The following DCDC1 variants were observed in gnomAD, a reference collection of about 807,000 sequenced individuals.
DCDC1 encodes the protein doublecortin domain-containing protein 1.
Under a neutral mutation model 178.3 loss-of-function variants are expected in DCDC1, and 200 were observed. That is an observed-to-expected ratio of 1.12 (90% CI 1.00 to 1.26). The LOEUF is 1.26. Ranked by LOEUF, DCDC1 falls within the 50% of genes most tolerant of loss-of-function variation. DCDC1 has a pLI of 0.00. For synonymous variants in DCDC1, 690 were observed against 604.8 expected (o/e 1.14, Z -2.07); for missense variants, 1,983 against 1,749.2 (o/e 1.13, Z -2.38).
chr11:31,063,145 A>T lies in DCDC1; in HGVS notation c.2591+1324T>A, dbSNP rs886133356. ...TCAGAGAAATGCAAATCAAAACCACAATGAGATACCATCTCACACCAGTTA... is the reference window on the plus strand; with the variant it reads ...TCAGAGAAATGCAAATCAAAACCACTATGAGATACCATCTCACACCAGTTA... On this transcript the variant is annotated intron_variant, in intron 20 of 38. Transcript: ENST00000684477. Among the ~76,000 whole-genome samples the T allele has an allele frequency of 2.0e-5, 3 of 152,204 alleles. No individual in the cohort carries two copies. In the East Asian group the frequency reaches 5.8e-4, roughly 29 times the overall value.
At chr11:31,011,838 T>C (rs1461765224) in intron 20 of DCDC1, among the ~76,000 whole-genome samples, 2 of 152,218 alleles carry the variant, frequency 1.3e-5, no homozygotes, top group Admixed American at 6.5e-5. Flanking sequence ...TAAAATATTA[T>C]GTGGTAACTA....
intron 10 of DCDC1, among the ~76,000 whole-genome samples, chr11:31,133,626 A>C (rs1227607956): frequency 6.6e-6 from 1 of 152,184 alleles, no homozygotes; most frequent in Non-Finnish European, 1.5e-5. Flanking sequence ...GGTGTAACTA[A>C]CCAGGAAATC....
intron 9 of DCDC1, among the ~76,000 whole-genome samples, chr11:31,209,870 G>A (rs1253522886): frequency 6.6e-6 from 1 of 152,148 alleles, no homozygotes; most frequent in Non-Finnish European, 1.5e-5. Context: ...TGCATAGAGA[G>A]AGATAAAGGA....
At chr11:31,139,549 A>G (rs1963570806) in intron 9 of DCDC1, among the ~76,000 whole-genome samples, 1 of 152,208 alleles carries the variant, frequency 6.6e-6, no homozygotes, top group Admixed American at 6.5e-5. Context: ...TATTCTTTAC[A>G]AAATTTATTT....
intron 20 of DCDC1, among the ~76,000 whole-genome samples, chr11:31,017,066 G>A (rs1198370515): frequency 6.6e-6 from 1 of 152,160 alleles, no homozygotes; most frequent in Non-Finnish European, 1.5e-5. Flanking sequence ...TTTGCTAATT[G>A]ATGCAGATAC....
intron 9 of DCDC1, among the ~76,000 whole-genome samples, chr11:31,239,055 C>T (rs756950108): frequency 1.4e-4 from 22 of 151,874 alleles, no homozygotes; most frequent in Non-Finnish European, 2.2e-4. Flanking sequence ...GCTTATATTT[C>T]GACAGACATC....
rs949414163 is a variant in DCDC1 at position 31,244,029 on chromosome 11, GAACA to G, written c.1055-2417_1055-2414del. 1.7e-3 allele frequency among the ~76,000 whole-genome samples: 258 copies of G among 151,688 alleles called. 1 individual carries two copies. The highest frequency in any genetic ancestry group is 3.1e-3 in the Non-Finnish European group (207 of 67,726). On this transcript the variant is annotated intron_variant, in intron 8 of 38. Coordinates refer to ENST00000684477, the MANE Select transcript of DCDC1 (RefSeq NM_001387274.1). ...AAAAGGAAGACAAAGCACACTCCAA[GAACA>G]AACAATGTTTCCACTAACTAGGAAG...
chr11:30,866,421 A>G (rs1302772966), intron 38 of DCDC1, among the ~76,000 whole-genome samples: 1 of 152,154 alleles, frequency 6.6e-6, no homozygotes, highest in Non-Finnish European at 1.5e-5. Context: ...TGGAAGAGGC[A>G]TGGCAGCTCT....
At chr11:31,314,458 C>T (rs1202498829) in intron 3 of DCDC1, 3 of 152,164 alleles carry the variant, frequency 2.0e-5, no homozygotes, top group African/African-American at 7.2e-5. Context: ...CACACTATTT[C>T]TGTAGGTCCA....
In DCDC1 at chr11:31,148,172, T is replaced by C. The variant is rs530096246; in HGVS notation, c.1222-10388A>G. On this transcript the variant is annotated intron_variant, in intron 9 of 38. Transcript: ENST00000684477. ...GAGTCAGGACTAATTTAGAACCATTTTCTCCACAGAATGTGTAAGAGCTAG... is the reference window on the plus strand; with the variant it reads ...GAGTCAGGACTAATTTAGAACCATTCTCTCCACAGAATGTGTAAGAGCTAG... Among the ~76,000 whole-genome samples the C allele has an allele frequency of 8.0e-5, 12 of 149,442 alleles. No individual in the cohort carries two copies. The South Asian group carries it at 2.3e-3, about 29-fold the overall frequency.
At chr11:31,096,911 ATGTGTG>A (rs140701614) in intron 15 of DCDC1, among the ~76,000 whole-genome samples, 2 of 150,500 alleles carry the variant, frequency 1.3e-5, no homozygotes, top group Non-Finnish European at 3.0e-5. Context: ...ATATGTATGT[ATGTGTG>A]TGTGTGTGTG....
At chr11:30,938,912 G>C (rs1947454001) in intron 21 of DCDC1, among the ~76,000 whole-genome samples, 1 of 148,802 alleles carries the variant, frequency 6.7e-6, no homozygotes, top group South Asian at 2.1e-4. Context: ...ATTTTCAGCT[G>C]GTCCTCATGT....
chr11:30,971,794 A>C (rs1318160905), intron 20 of DCDC1, among the ~76,000 whole-genome samples: 3 of 151,866 alleles, frequency 2.0e-5, no homozygotes, highest in Non-Finnish European at 4.4e-5. Flanking sequence ...TATTTTTAGT[A>C]GAGACGGGGT....
chr11:31,012,934 A>C (rs1331631224), intron 20 of DCDC1, among the ~76,000 whole-genome samples: 1 of 152,208 alleles, frequency 6.6e-6, no homozygotes, highest in Non-Finnish European at 1.5e-5. Context: ...AGAACGACTA[A>C]GGGAAATGTG....
At chr11:30,896,689 TATA>T (rs1207327585) in intron 34 of DCDC1, among the ~76,000 whole-genome samples, 2 of 152,248 alleles carry the variant, frequency 1.3e-5, no homozygotes, top group Non-Finnish European at 2.9e-5. Flanking sequence ...TTATCAGTTT[TATA>T]ACCCCAAGTG....
Position 31,241,582 on chromosome 11 carries a change from G to C in DCDC1, c.1089C>G (p.Ile363Met). ...PLLEKCLQNS[I>M]TPLRGLLWVS... ...CCCAAAGTAGTCCTCGCAAAGGTGT[G>C]ATGGAATTTTGCAGGCATTTTTCAA... Residue 363 changes from isoleucine to methionine, a missense_variant, in exon 9 of 39, where the codon ATC (isoleucine) becomes ATG (methionine). Coordinates refer to ENST00000684477, the MANE Select transcript of DCDC1 (RefSeq NM_001387274.1). 2.5e-6 allele frequency: 1 copy of C among 397,420 alleles called. No homozygotes were observed. Among genetic ancestry groups the C allele is most frequent in the East Asian group, 3.6e-5 (1 of 28,026 alleles). The allele number at this position is 397,420 out of a possible 1,614,324, so 24.6% of individuals were successfully genotyped here.
At chr11:30,869,523 C>T (rs754341534) in intron 38 of DCDC1, among the ~76,000 whole-genome samples, 1 of 152,182 alleles carries the variant, frequency 6.6e-6, no homozygotes, top group Non-Finnish European at 1.5e-5. Flanking sequence ...ATTCTGAACA[C>T]CCTACTTTCA....
At chr11:31,096,045 T>C (rs1209935037) in intron 15 of DCDC1, among the ~76,000 whole-genome samples, 1 of 152,156 alleles carries the variant, frequency 6.6e-6, no homozygotes. Context: ...ACAAATTCAA[T>C]GATGATTTAA....
intron 20 of DCDC1, among the ~76,000 whole-genome samples, chr11:30,965,535 C>CT (rs34013491): frequency 0.2 from 28,033 of 138,900 alleles, 3,263 homozygotes; most frequent in Non-Finnish European, 0.29. Context: ...TAGAAAATTT[C>CT]TTTTTTTTTT....
Sources: allele counts gnomAD v4.1 joint callset (sites outside exome capture counted in the v4.1 genomes callset), GRCh38; gene constraint gnomAD v4.1.1; transcripts MANE v1.5; gene names NCBI Gene and HGNC (gene_info 2026-07-23, HGNC 2026-07-21).